The following SAMD3 variants were observed in gnomAD, a reference collection of about 807,000 sequenced individuals.
SAMD3 encodes sterile alpha motif domain-containing protein 3.
A neutral mutation model predicts 58.5 loss-of-function variants in SAMD3; 63 were observed. The observed-to-expected ratio is 1.08, with a 90% CI of 0.88 to 1.33. SAMD3 has a LOEUF of 1.33. SAMD3 is among the 40% of genes most tolerant of loss of function. The pLI, the probability that SAMD3 is intolerant of heterozygous loss-of-function variation, is 0.00. For missense variants in SAMD3, 604 were observed against 608.4 expected (o/e 0.99, Z 0.08); for synonymous variants, 220 against 210.3 (o/e 1.05, Z -0.40).
In SAMD3 at chr6:130,228,407, T is replaced by C. The variant is rs1033387385; in HGVS notation, c.-187-5594A>G. Among the ~76,000 whole-genome samples, 4 of 152,168 alleles carry C rather than the reference T, an allele frequency of 2.6e-5. No homozygotes were observed. The South Asian group carries it at 8.3e-4, about 32-fold the overall frequency. On this transcript the variant is annotated intron_variant, in intron 2 of 13. Coordinates refer to the SAMD3 transcript ENST00000368134. ...AAGTTCAAAAAGTGCAGGGCTGGGC[T>C]AACAAAATGGAATTTGGGAGAACCA...
chr6:130,233,266 T>C (rs1443763729), intron 2 of SAMD3, among the ~76,000 whole-genome samples: 1 of 152,220 alleles, frequency 6.6e-6, no homozygotes, highest in African/African-American at 2.4e-5. Context: ...ACAGTTATTA[T>C]TATACTTTAA....
chr6:130,364,395 G>A (rs777448201), intron 1 of SAMD3, among the ~76,000 whole-genome samples: 1 of 152,038 alleles, frequency 6.6e-6, no homozygotes. Context: ...TGGACTATGA[G>A]CCTATTCCTA....
At chr6:130,327,842 T>C (rs1373594578) in intron 1 of SAMD3, among the ~76,000 whole-genome samples, 1 of 152,174 alleles carries the variant, frequency 6.6e-6, no homozygotes, top group Non-Finnish European at 1.5e-5. Flanking sequence ...TTATGACTGA[T>C]GAAACCTATA....
chr6:130,341,289 A>G (rs1300427791), intron 1 of SAMD3, among the ~76,000 whole-genome samples: 1 of 152,232 alleles, frequency 6.6e-6, no homozygotes, highest in Non-Finnish European at 1.5e-5. Flanking sequence ...TACCCCATGT[A>G]CAATGCAAAA....
rs111787435 is a variant in SAMD3, at chr6:130,215,606, A to G, written c.-21-312T>C. 7.1e-5 allele frequency: 98 copies of G among 1,373,100 alleles called. No homozygotes were observed. The African/African-American group carries it at 9.2e-4, about 13-fold the overall frequency. The allele number at this position is 1,373,100 out of a possible 1,614,324, so 85.1% of individuals were successfully genotyped here. On this transcript the variant is annotated intron_variant, in intron 2 of 11. Transcript: ENST00000439090. ...CAGCCAGGGACATACAATGGTACCC[A>G]ATCCTGTACCATTAACACCCAGGTT...
At chr6:130,164,075 A>G (rs116173138) in intron 8 of SAMD3, among the ~76,000 whole-genome samples, 85 of 129,820 alleles carry the variant, frequency 6.5e-4, no homozygotes, top group African/African-American at 2.4e-3. Context: ...TCCTACACAT[A>G]AAGTAGGTTG....
intron 10 of SAMD3, 25 bp from the exon 11 acceptor site, chr6:130,145,447 G>A: frequency 6.5e-7 from 1 of 1,528,418 alleles, no homozygotes; most frequent in Non-Finnish European, 9.0e-7. Flanking sequence ...ATGTTAACAT[G>A]TGAAGTAAAA....
At chr6:130,320,866 C>T (rs1776561295) in intron 1 of SAMD3, among the ~76,000 whole-genome samples, 1 of 152,240 alleles carries the variant, frequency 6.6e-6, no homozygotes, top group Admixed American at 6.5e-5. Context: ...GTGCTTCTCT[C>T]CTTTGCTTCC....
chr6:130,225,101 G>A (rs990770209), upstream of SAMD3, among the ~76,000 whole-genome samples: 1 of 152,120 alleles, frequency 6.6e-6, no homozygotes, highest in Admixed American at 6.6e-5. Context: ...TGAGCATGGG[G>A]AAGAAAGTAA....
At chr6:130,347,652 T>A (rs1428215702) in intron 1 of SAMD3, among the ~76,000 whole-genome samples, 1 of 152,124 alleles carries the variant, frequency 6.6e-6, no homozygotes, top group African/African-American at 2.4e-5. Context: ...GAACACACTT[T>A]GCAGGATATT....
intron 2 of SAMD3, among the ~76,000 whole-genome samples, chr6:130,265,408 G>A (rs752596487): frequency 6.6e-5 from 10 of 152,168 alleles, no homozygotes; most frequent in Non-Finnish European, 1.0e-4. Flanking sequence ...ATGCACGGCC[G>A]AAGCATGAGG....
At chr6:130,315,649 G>C (rs1583093323) in intron 1 of SAMD3, among the ~76,000 whole-genome samples, 1 of 152,030 alleles carries the variant, frequency 6.6e-6, no homozygotes, top group East Asian at 1.9e-4. Flanking sequence ...ACCTGCCTAA[G>C]TTATTCAGGA....
At chr6:130,293,482 T>G (rs962317377) in intron 2 of SAMD3, among the ~76,000 whole-genome samples, 2 of 152,036 alleles carry the variant, frequency 1.3e-5, no homozygotes, top group East Asian at 1.9e-4. Context: ...TGTTATTATC[T>G]AAAATATTAC....
chr6:130,357,901 G>A (rs1777881908), intron 1 of SAMD3, among the ~76,000 whole-genome samples: 1 of 152,186 alleles, frequency 6.6e-6, no homozygotes, highest in African/African-American at 2.4e-5. Flanking sequence ...GTTTAAGTAA[G>A]TAATGAGGAC....
At chr6:130,363,079 T>C (rs1005263382) in intron 1 of SAMD3, among the ~76,000 whole-genome samples, 7 of 152,182 alleles carry the variant, frequency 4.6e-5, no homozygotes, top group Non-Finnish European at 7.4e-5. Context: ...AAAGCACCCA[T>C]GGCTGCTAGC....
intron 2 of SAMD3, among the ~76,000 whole-genome samples, chr6:130,298,907 G>A (rs760737086): frequency 6.6e-6 from 1 of 151,896 alleles, no homozygotes; most frequent in Non-Finnish European, 1.5e-5. Flanking sequence ...AATGATAAAG[G>A]GTTCAATTCA....
chr6:130,145,779 CCTCT>C (rs937022595), intron 10 of SAMD3, among the ~76,000 whole-genome samples: 1 of 151,980 alleles, frequency 6.6e-6, no homozygotes, highest in African/African-American at 2.4e-5. Flanking sequence ...CTCTCCTCCT[CCTCT>C]AATTGGAAAA....
intron 9 of SAMD3, among the ~76,000 whole-genome samples, chr6:130,148,428 TC>T (rs1788839588): frequency 6.6e-6 from 1 of 152,364 alleles, no homozygotes; most frequent in South Asian, 2.1e-4. Context: ...TGCAAGCACT[TC>T]CTTCATTTCT....
intron 2 of SAMD3, among the ~76,000 whole-genome samples, chr6:130,235,057 G>A (rs907581535): frequency 2.7e-4 from 41 of 152,312 alleles, no homozygotes; most frequent in Admixed American, 3.9e-4. Flanking sequence ...CAAGGCTGCT[G>A]TGAGTGGTGA....
Sources: allele counts gnomAD v4.1 joint callset (sites outside exome capture counted in the v4.1 genomes callset), GRCh38; gene constraint gnomAD v4.1.1; transcripts MANE v1.5; gene names NCBI Gene and HGNC (gene_info 2026-07-23, HGNC 2026-07-21).